The following MAOB variants were observed in gnomAD, a reference collection of about 807,000 sequenced individuals.
MAOB encodes the protein monoamine oxidase B.
Under a neutral mutation model 41.9 loss-of-function variants are expected in MAOB, and 15 were observed. The ratio of observed to expected loss-of-function variants is 0.36; its 90% CI spans 0.24 to 0.55. The LOEUF (loss-of-function observed/expected upper bound fraction) is 0.55. Among genes scored for constraint, MAOB ranks in the 20% least tolerant of loss-of-function variants. The pLI, the probability that MAOB is intolerant of heterozygous loss-of-function variation, is 0.86. For synonymous variants in MAOB, 167 were observed against 144.2 expected, an observed-to-expected ratio of 1.16 and a Z score of -1.13; for missense variants, 345 against 398.7, an observed-to-expected ratio of 0.87 and a Z score of 1.15.
intron 8 of MAOB, among the ~76,000 whole-genome samples, chrX:43,790,447 C>A (rs900273361): frequency 1.8e-5 from 2 of 111,986 alleles, no homozygotes; most frequent in African/African-American, 6.5e-5. Context: ...ATTTTCTGGG[C>A]AAGGAAAAGT....
At chrX:43,812,578 G>A (rs1466115577) in intron 3 of MAOB, among the ~76,000 whole-genome samples, 3 of 112,594 alleles carry the variant, frequency 2.7e-5, no homozygotes, top group Admixed American at 9.4e-5. Flanking sequence ...GTTTGGATTT[G>A]CAATGAGGTT....
intron 11 of MAOB, among the ~76,000 whole-genome samples, chrX:43,778,352 A>T (rs1246913630): frequency 9.0e-6 from 1 of 110,792 alleles, no homozygotes; most frequent in Non-Finnish European, 1.9e-5. Context: ...TCCTATGGGT[A>T]GTAGAAGCTC....
intron 7 of MAOB, among the ~76,000 whole-genome samples, chrX:43,795,150 G>GT (rs2147133841): frequency 9.0e-6 from 1 of 111,618 alleles, no homozygotes; most frequent in African/African-American, 3.3e-5. Flanking sequence ...TCAGATGTCA[G>GT]TCACAAGTCC....
chrX:43,812,643 C>A (rs1032180089), intron 3 of MAOB, among the ~76,000 whole-genome samples: 1 of 112,457 alleles, frequency 8.9e-6, no homozygotes, highest in African/African-American at 3.2e-5. Context: ...TGAGAAATGT[C>A]TATTAAAATG....
At chrX:43,817,805 A>G (rs767845723) in intron 3 of MAOB, among the ~76,000 whole-genome samples, 6 of 112,319 alleles carry the variant, frequency 5.3e-5, no homozygotes, top group Non-Finnish European at 1.1e-4. Context: ...ACAAGGCACT[A>G]TTTAAATGTC....
chrX:43,798,792 T>G (rs956433972), intron 5 of MAOB, among the ~76,000 whole-genome samples: 2 of 112,003 alleles, frequency 1.8e-5, no homozygotes, highest in African/African-American at 6.5e-5. Context: ...TTCCATTTAT[T>G]GAACTCTTTC....
At chrX:43,849,360 G>A (rs777114951) in intron 1 of MAOB, among the ~76,000 whole-genome samples, 8 of 112,432 alleles carry the variant, frequency 7.1e-5, no homozygotes, top group Non-Finnish European at 1.5e-4. Context: ...AAGCACGCCA[G>A]CAGCCTTCAT....
intron 1 of MAOB, among the ~76,000 whole-genome samples, chrX:43,873,255 T>C (rs1430766041): frequency 8.9e-6 from 1 of 111,764 alleles, no homozygotes; most frequent in African/African-American, 3.3e-5. Context: ...ACCACTGGGA[T>C]CACAGCAATA....
At chrX:43,802,301 G>A (rs1256776882) in intron 4 of MAOB, 38 bp from the exon 5 acceptor site, 3 of 905,962 alleles carry the variant, frequency 3.3e-6, no homozygotes, top group East Asian at 3.3e-5. Context: ...AAAGACAAAT[G>A]TAATTTTCTC....
At chrX:43,855,500 A>G (rs1351283123) in intron 1 of MAOB, among the ~76,000 whole-genome samples, 1 of 110,948 alleles carries the variant, frequency 9.0e-6, no homozygotes, top group East Asian at 2.8e-4. Context: ...TATCATTGAA[A>G]CAGCAATGCA....
chrX:43,780,292 TG>T lies in MAOB; in HGVS notation c.1079+49del, dbSNP rs113045788. On this transcript the variant is annotated intron_variant, in intron 10 of 14. Transcript: ENST00000378069. ...AGAGAAAAGGGAGGGAGGGATGGAGTGGGGGGGAAAGGAAGGAAGAAACGAA... is the reference window on the plus strand; with the variant it reads ...AGAGAAAAGGGAGGGAGGGATGGAGTGGGGGGAAAGGAAGGAAGAAACGAA... The T allele has an allele frequency of 6.2e-3, 6,070 of 978,140 alleles. 239 individuals carry two copies. The African/African-American group carries it at 0.1, about 17-fold the overall frequency. 80.6% of individuals were successfully genotyped at this position (978,140 alleles called of 1,213,427 possible). A position where few individuals can be genotyped will look rare whatever the true frequency, so the allele number is the denominator to read the frequency against.
At chrX:43,773,393 A>G (rs2034211025) in intron 12 of MAOB, among the ~76,000 whole-genome samples, 1 of 112,141 alleles carries the variant, frequency 8.9e-6, no homozygotes, top group African/African-American at 3.2e-5. Context: ...AATTTTTGAT[A>G]TCATGTCCTC....
intron 8 of MAOB, among the ~76,000 whole-genome samples, chrX:43,782,911 T>C (rs1169143375): frequency 8.9e-6 from 1 of 111,820 alleles, no homozygotes; most frequent in African/African-American, 3.3e-5. Context: ...CCTCAATAGA[T>C]GCAGAAAAGG....
chrX:43,854,798 G>A (rs772225917), intron 1 of MAOB, among the ~76,000 whole-genome samples: 1 of 111,819 alleles, frequency 8.9e-6, no homozygotes, highest in South Asian at 3.8e-4. Flanking sequence ...TAGAACTTAA[G>A]TGAGAAATAA....
At position 43,843,647 on chromosome X, in the gene MAOB, C is replaced by T. The variant is rs754849676; in HGVS notation, c.141+23G>A. ...AACTCAGCTTCAGTCCCACATTTGT[C>T]CTCCGGATTCTTAATGCCTTACCCT... On this transcript the variant is annotated intron_variant, in intron 2 of 14. Coordinates refer to ENST00000378069, the MANE Select transcript of MAOB (RefSeq NM_000898.5). The T allele has an allele frequency of 6.7e-6, 8 of 1,196,749 alleles. No individual in the cohort carries two copies. In the South Asian group the frequency reaches 1.5e-4, roughly 23 times the overall value.
chrX:43,770,057 A>G (rs1196570842), intron 12 of MAOB, among the ~76,000 whole-genome samples: 1 of 111,371 alleles, frequency 9.0e-6, no homozygotes, highest in Admixed American at 9.6e-5. Flanking sequence ...GCCCCCTTCA[A>G]GAATGAAAGA....
chrX:43,808,396 A>G (rs1380333274), intron 3 of MAOB, among the ~76,000 whole-genome samples: 1 of 111,613 alleles, frequency 9.0e-6, no homozygotes, highest in African/African-American at 3.3e-5. Context: ...GACTTGAAGA[A>G]GAATGTGAGC....
intron 3 of MAOB, among the ~76,000 whole-genome samples, chrX:43,828,671 T>C (rs1476599600): frequency 8.9e-6 from 1 of 111,736 alleles, no homozygotes; most frequent in Non-Finnish European, 1.9e-5. Flanking sequence ...TCATCTGCTC[T>C]TAAGTATAAT....
intron 12 of MAOB, 33 bp from the exon 13 acceptor site, chrX:43,769,451 A>G: frequency 1.7e-6 from 2 of 1,175,307 alleles, no homozygotes; most frequent in Non-Finnish European, 2.3e-6. Context: ...AAAAGTGGTC[A>G]GTCTCAGAGA....
Sources: allele counts gnomAD v4.1 joint callset (sites outside exome capture counted in the v4.1 genomes callset), GRCh38; gene constraint gnomAD v4.1.1; transcripts MANE v1.5; gene names NCBI Gene and HGNC (gene_info 2026-07-23, HGNC 2026-07-21).